Variants in CSMD1 observed in about 807,000 individuals in gnomAD.
CSMD1 encodes CUB and Sushi multiple domains 1.
Under a neutral mutation model 417.5 loss-of-function variants are expected in CSMD1, and 213 were observed. That is an observed-to-expected ratio of 0.51 (90% CI 0.46 to 0.57). CSMD1 has a LOEUF of 0.57. Ranked by LOEUF, CSMD1 falls within the 20% of genes least tolerant of loss-of-function variation. The probability of loss-of-function intolerance (pLI) is 0.00; values close to 1 mark genes in which losing one functional copy is unlikely to be tolerated. For synonymous variants in CSMD1, 2,862 were observed against 1,736.8 expected (o/e 1.65, Z -16.11); for missense variants, 6,923 against 4,529.7 (o/e 1.53, Z -15.17).
chr8:3,847,302 G>C (rs543886752), intron 5 of CSMD1, among the ~76,000 whole-genome samples: 1 of 152,066 alleles, frequency 6.6e-6, no homozygotes, highest in Non-Finnish European at 1.5e-5. Flanking sequence ...AGTTGATTTG[G>C]GAGAACCTGA....
At chr8:4,209,748 C>G (rs1479320254) in intron 3 of CSMD1, among the ~76,000 whole-genome samples, 1 of 152,194 alleles carries the variant, frequency 6.6e-6, no homozygotes, top group Non-Finnish European at 1.5e-5. Context: ...GCTCCTAGCA[C>G]AGCAGGACTA....
Position 3,736,324 on chromosome 8 carries a change from C to T in CSMD1, c.931+17606G>A, listed in dbSNP as rs552124247. The stretch of plus-strand genomic sequence containing the variant: ...TGGGGCAATCACGACTCACTGCAGC[C>T]TCCACCTCCTGGGCTCAGGTGATTC... On this transcript the variant is annotated intron_variant, in intron 6 of 69. Transcript: ENST00000635120. Among the ~76,000 whole-genome samples the T allele has an allele frequency of 2.8e-4, 42 of 152,124 alleles. No homozygotes were observed. The South Asian group carries it at 2.9e-3, about 11-fold the overall frequency.
Position 4,092,348 on chromosome 8 carries a change from T to C in CSMD1, c.416-60249A>G, listed in dbSNP as rs369229338. 2.0e-4 allele frequency among the ~76,000 whole-genome samples: 31 copies of C among 152,274 alleles called. No homozygotes were observed. The East Asian group carries it at 3.9e-3, about 19-fold the overall frequency. ...TGTGTCTGATGCTCCAGGAGAATCA[T>C]GACGTGACACTTCAGCCACCAGGGC... On this transcript the variant is annotated intron_variant, in intron 3 of 69. Coordinates refer to ENST00000635120, the MANE Select transcript of CSMD1 (RefSeq NM_033225.6).
chr8:4,102,301 C>T (rs572837939), intron 3 of CSMD1, among the ~76,000 whole-genome samples: 1 of 152,112 alleles, frequency 6.6e-6, no homozygotes, highest in Non-Finnish European at 1.5e-5. Flanking sequence ...AAATCATGAT[C>T]TTAGCTTTTT....
At chr8:4,752,453 T>G (rs1811393865) in intron 1 of CSMD1, among the ~76,000 whole-genome samples, 1 of 152,210 alleles carries the variant, frequency 6.6e-6, no homozygotes, top group Non-Finnish European at 1.5e-5. Flanking sequence ...CCTTAGGTAC[T>G]ACCTCGGGTG....
At chr8:3,681,548 A>G (rs982060545) in intron 7 of CSMD1, among the ~76,000 whole-genome samples, 2 of 152,210 alleles carry the variant, frequency 1.3e-5, no homozygotes, top group African/African-American at 2.4e-5. Flanking sequence ...GAGGATACAA[A>G]CAAATGGAAG....
At chr8:3,844,990 C>G (rs1269207897) in intron 5 of CSMD1, among the ~76,000 whole-genome samples, 1 of 152,070 alleles carries the variant, frequency 6.6e-6, no homozygotes, top group Non-Finnish European at 1.5e-5. Context: ...AGATACTGCA[C>G]AAACTTTAAA....
rs1335938914 is a variant in CSMD1, at chr8:3,461,158, G to A, written c.1561+7554C>T. 2.6e-5 allele frequency among the ~76,000 whole-genome samples: 4 copies of A among 152,184 alleles called. No homozygotes were observed. The East Asian group carries it at 5.8e-4, about 22-fold the overall frequency. On this transcript the variant is annotated intron_variant, in intron 12 of 69. Transcript: ENST00000635120. ...TGCGGAACTGAGGCTGCTAGAGAGG[G>A]CTCATAGCTGCACACCTCTCAGGGA...
chr8:3,470,009 A>C (rs1816996137), intron 11 of CSMD1, among the ~76,000 whole-genome samples: 1 of 152,178 alleles, frequency 6.6e-6, no homozygotes, highest in African/African-American at 2.4e-5. Flanking sequence ...TAACAAGCCA[A>C]AAAGCGCACA....
intron 3 of CSMD1, among the ~76,000 whole-genome samples, chr8:4,325,383 C>T (rs1490513521): frequency 6.6e-6 from 1 of 152,104 alleles, no homozygotes; most frequent in African/African-American, 2.4e-5. Flanking sequence ...AGACAGACCT[C>T]CAAATCCCAC....
At chr8:4,418,110 A>C (rs1797046322) in intron 3 of CSMD1, among the ~76,000 whole-genome samples, 1 of 152,058 alleles carries the variant, frequency 6.6e-6, no homozygotes, top group Non-Finnish European at 1.5e-5. Flanking sequence ...TGGTTTAGCC[A>C]ACAAAGCACC....
In CSMD1 at chr8:3,488,596, T is replaced by C. The variant is rs142348326; in HGVS notation, c.1448+5027A>G. 3.6e-3 allele frequency among the ~76,000 whole-genome samples: 550 copies of C among 152,324 alleles called. 6 individuals are homozygous for C. Among genetic ancestry groups the C allele is most frequent in the Non-Finnish European group, 3.9e-3 (264 of 68,026 alleles). On this transcript the variant is annotated intron_variant, in intron 11 of 69. Transcript: ENST00000635120. ...TGTATATCAGTAGGCTAATTCCTCCTCAAGGCTAGGACAATGGCTTATTCT... is the reference window on the plus strand; with the variant it reads ...TGTATATCAGTAGGCTAATTCCTCCCCAAGGCTAGGACAATGGCTTATTCT...
chr8:3,150,049 G>T (rs916958663), intron 40 of CSMD1, among the ~76,000 whole-genome samples: 1 of 152,174 alleles, frequency 6.6e-6, no homozygotes, highest in African/African-American at 2.4e-5. Context: ...CAGATCTCCA[G>T]GGCAAGGACG....
chr8:3,856,416 C>G (rs1482587566), intron 5 of CSMD1, among the ~76,000 whole-genome samples: 1 of 152,138 alleles, frequency 6.6e-6, no homozygotes, highest in African/African-American at 2.4e-5. Context: ...TCTGCTACTT[C>G]TTTATAGCAA....
At chr8:4,839,095 A>C (rs1442000572) in intron 1 of CSMD1, among the ~76,000 whole-genome samples, 1 of 152,074 alleles carries the variant, frequency 6.6e-6, no homozygotes, top group Admixed American at 6.6e-5. Context: ...TACTCCTCTG[A>C]GTCAGTTTCC....
At chr8:4,170,026 G>C (rs571738461) in intron 3 of CSMD1, among the ~76,000 whole-genome samples, 66 of 151,840 alleles carry the variant, frequency 4.3e-4, no homozygotes, top group Non-Finnish European at 7.5e-4. Flanking sequence ...ATCAATAAGA[G>C]ATTAAATAAT....
intron 2 of CSMD1, among the ~76,000 whole-genome samples, chr8:4,444,697 T>C (rs1798678142): frequency 6.6e-6 from 1 of 152,048 alleles, no homozygotes; most frequent in African/African-American, 2.4e-5. Flanking sequence ...AAAAGCAGGG[T>C]CACTCTAAGC....
intron 5 of CSMD1, among the ~76,000 whole-genome samples, chr8:3,930,181 T>A (rs1345635414): frequency 6.7e-6 from 1 of 150,198 alleles, no homozygotes; most frequent in East Asian, 2.0e-4. Context: ...TCAGTTATAC[T>A]TGCCGTATCT....
intron 1 of CSMD1, among the ~76,000 whole-genome samples, chr8:4,686,736 G>A (rs1461020591): frequency 6.6e-6 from 1 of 152,152 alleles, no homozygotes; most frequent in African/African-American, 2.4e-5. Context: ...TGTCATGGGG[G>A]CCTCAGCCAT....
Sources: allele counts gnomAD v4.1 joint callset (sites outside exome capture counted in the v4.1 genomes callset), GRCh38; gene constraint gnomAD v4.1.1; transcripts MANE v1.5; gene names NCBI Gene and HGNC (gene_info 2026-07-23, HGNC 2026-07-21).